Variants in ANAPC5 observed in about 807,000 individuals in gnomAD.
ANAPC5 encodes the protein anaphase-promoting complex subunit 5.
A neutral mutation model predicts 91.3 loss-of-function variants in ANAPC5; 60 were observed. That is an observed-to-expected ratio of 0.66 (90% CI 0.53 to 0.81). The LOEUF is 0.81. Ranked by LOEUF, ANAPC5 falls within the 40% of genes least tolerant of loss-of-function variation. The pLI is 0.00. For synonymous variants in ANAPC5, 340 were observed against 364.1 expected (o/e 0.93, Z 0.75); for missense variants, 690 against 931.5 (o/e 0.74, Z 3.37).
At chr12:121,317,780 G>C (rs1175526770) in intron 15 of ANAPC5, 1 of 152,256 alleles carries the variant, frequency 6.6e-6, no homozygotes, top group Admixed American at 6.5e-5. Context: ...CTCATTCATT[G>C]ATTAATATTT....
At chr12:121,309,343 C>T (rs1231074590) in intron 16 of ANAPC5, among the ~76,000 whole-genome samples, 2 of 150,842 alleles carry the variant, frequency 1.3e-5, no homozygotes, top group Non-Finnish European at 2.9e-5. Flanking sequence ...GAGGCTGAGG[C>T]AGGAGAATTG....
At chr12:121,313,463 C>T (rs1308692520) in intron 15 of ANAPC5, among the ~76,000 whole-genome samples, 4 of 152,014 alleles carry the variant, frequency 2.6e-5, no homozygotes, top group Admixed American at 2.6e-4. Flanking sequence ...ATCAATAAAA[C>T]CAAAAGTTGG....
chr12:121,335,838 G>T, intron 6 of ANAPC5, 115 bp from the exon 7 acceptor site: 3 of 820,224 alleles, frequency 3.7e-6, no homozygotes, highest in Non-Finnish European at 5.4e-6. Flanking sequence ...CTTCTAATAA[G>T]ATGGTCATAG....
In ANAPC5 at chr12:121,342,140, A is replaced by T; in HGVS notation, c.591-71T>A. 1 of 1,162,648 alleles carries T rather than the reference A, an allele frequency of 8.6e-7. No individual in the cohort carries two copies. The highest frequency in any genetic ancestry group is 1.2e-6 in the Non-Finnish European group (1 of 814,708). The allele number at this position is 1,162,648 out of a possible 1,614,324, so 72.0% of individuals were successfully genotyped here. A position where few individuals can be genotyped will look rare whatever the true frequency, so the allele number is the denominator to read the frequency against. Reference sequence around the variant, plus strand: ...TAAAAATGATAACATTTATAAAATCAGATGGATTCTTGTATCGAAAGAGTT... The same window carrying T: ...TAAAAATGATAACATTTATAAAATCTGATGGATTCTTGTATCGAAAGAGTT... On this transcript the variant is annotated intron_variant, in intron 4 of 16. Transcript: ENST00000261819. This position sits in a 1 kb window ranked among gnomAD's most constrained non-coding sequence, Gnocchi z 4.1.
At chr12:121,316,732 CAAAAAAAAAAAAAAA>C (rs35989752) in intron 15 of ANAPC5, among the ~76,000 whole-genome samples, 2 of 28,976 alleles carry the variant, frequency 6.9e-5, no homozygotes, top group Non-Finnish European at 1.4e-4. Context: ...GACTCTGTCT[CAAAAAAAAAAAAAAA>C]AAAAAAAAAA....
chr12:121,342,311 G>A lies in ANAPC5; in HGVS notation c.591-242C>T, dbSNP rs1182176110. ...GTGCCAAGACCATTTGATAGGGAAA[G>A]GACAGCCTTTCCAACCAATGATGCT... On this transcript the variant is annotated intron_variant, in intron 4 of 16. Transcript: ENST00000261819. This position sits in a 1 kb window ranked among gnomAD's most constrained non-coding sequence, Gnocchi z 4.1. Among the ~76,000 whole-genome samples the A allele has an allele frequency of 6.6e-6, 1 of 152,126 alleles. No individual in the cohort carries two copies. Among genetic ancestry groups the A allele is most frequent in the Non-Finnish European group, 1.5e-5 (1 of 68,032 alleles).
rs1555274639 is a variant in ANAPC5, at chr12:121,345,957, G to A, written c.472C>T (p.Leu158Phe). The change falls in exon 4 of 17, where the codon CTT (leucine) becomes TTT (phenylalanine). Residue 158 changes from leucine to phenylalanine, a missense_variant. Around this residue, in one of 5 missense-constraint regions of ANAPC5, gnomAD observed 238 missense variants for 264.9 expected, o/e 0.90. Transcript: ENST00000261819. ...FSQVFKLYTA[L>F]QQYFQNGEKK... ...TCACCATTCTGGAAGTACTGCTGAA[G>A]GGCAGTGTACAGTTTAAACACTTGG... 6.2e-7 allele frequency: 1 copy of A among 1,614,102 alleles called. No homozygotes were observed.
In ANAPC5 at chr12:121,335,759, G is replaced by A. The variant is rs781825869; in HGVS notation, c.760-36C>T. 9.1e-6 allele frequency: 14 copies of A among 1,544,462 alleles called. No individual in the cohort carries two copies. In the South Asian group the frequency reaches 1.5e-4, roughly 17 times the overall value. ...AAATAATCAATGTATTTTAAACGCTGTAAATATCTCTGGTGTAAGACAACT... is the reference window on the plus strand; with the variant it reads ...AAATAATCAATGTATTTTAAACGCTATAAATATCTCTGGTGTAAGACAACT... On this transcript the variant is annotated intron_variant, in intron 6 of 16. Coordinates refer to ENST00000261819, the MANE Select transcript of ANAPC5 (RefSeq NM_016237.5).
intron 5 of ANAPC5, among the ~76,000 whole-genome samples, chr12:121,338,236 TA>T (rs1350415324): frequency 1.1e-4 from 16 of 151,992 alleles, no homozygotes; most frequent in African/African-American, 2.2e-4. Flanking sequence ...ATAATTTCTT[TA>T]AAAAAAATTT....
At chr12:121,320,596 ATTTCT>A (rs1167615376) in intron 11 of ANAPC5, 137 bp from the exon 12 acceptor site, 5 of 604,104 alleles carry the variant, frequency 8.3e-6, no homozygotes, top group Non-Finnish European at 1.4e-5. Context: ...AGAGACTCAA[ATTTCT>A]TTTCTTTCTT....
In ANAPC5 at chr12:121,316,088, T is replaced by G. The variant is rs182525995; in HGVS notation, c.1893+2189A>C. ...ACAATATATAAATAATTTTTACAAG[T>G]GAACATCAAAAAGATAAACAACTTA... On this transcript the variant is annotated intron_variant, in intron 15 of 16. Transcript: ENST00000261819. Among the ~76,000 whole-genome samples, 522 of 152,184 alleles carry G rather than the reference T, an allele frequency of 3.4e-3. 4 individuals carry two copies. Among genetic ancestry groups the G allele is most frequent in the African/African-American group, 0.012 (505 of 41,512 alleles).
intron 5 of ANAPC5, among the ~76,000 whole-genome samples, chr12:121,340,622 C>T (rs913873175): frequency 5.9e-5 from 9 of 151,642 alleles, no homozygotes; most frequent in African/African-American, 1.4e-4. Flanking sequence ...CTGCAACCTC[C>T]GCTCACCGCA....
chr12:121,345,721 T>C (rs904169775), intron 4 of ANAPC5, 118 bp downstream of exon 4: 84 of 1,069,230 alleles, frequency 7.9e-5, no homozygotes, highest in Non-Finnish European at 1.1e-4. Flanking sequence ...ACTTCCCAGA[T>C]CTGGAAGGGT....
intron 4 of ANAPC5, among the ~76,000 whole-genome samples, chr12:121,343,855 T>C (rs1048760244): frequency 1.3e-5 from 2 of 152,210 alleles, no homozygotes; most frequent in Non-Finnish European, 2.9e-5. Flanking sequence ...CTCAGAGCTC[T>C]GGACAGTGTA....
intron 4 of ANAPC5, among the ~76,000 whole-genome samples, chr12:121,344,651 G>A (rs782065672): frequency 6.6e-6 from 1 of 151,966 alleles, no homozygotes; most frequent in Non-Finnish European, 1.5e-5. Context: ...AGGGAGGCCC[G>A]TCTGAGGAAA....
chr12:121,324,845 G>A lies in ANAPC5; in HGVS notation c.1440+2251C>T, dbSNP rs117512370. On this transcript the variant is annotated intron_variant, in intron 11 of 16. Transcript: ENST00000261819. The stretch of plus-strand genomic sequence containing the variant: ...TGCAGTGAGCTATGATTGTGCCACC[G>A]CACTCCATCCTGGGCAACAGTGAGA... 1.3e-3 allele frequency among the ~76,000 whole-genome samples: 191 copies of A among 152,246 alleles called. No homozygotes were observed. The East Asian group carries it at 0.013, about 10-fold the overall frequency.
rs372485822 is a variant in ANAPC5 at position 121,335,521 on chromosome 12, C to G, written c.950+12G>C. Reference sequence around the variant, plus strand: ...CTTCAATTTGCGCAAGGACAAAGGTCTATAAACTTACTAGTGACCGAAGCG... The same window carrying G: ...CTTCAATTTGCGCAAGGACAAAGGTGTATAAACTTACTAGTGACCGAAGCG... On this transcript the variant is annotated intron_variant, in intron 7 of 16. Transcript: ENST00000261819. The G allele has an allele frequency of 8.8e-6, 14 of 1,592,560 alleles. No homozygotes were observed. In the African/African-American group the frequency reaches 1.3e-4, roughly 15 times the overall value.
chr12:121,348,379 G>A (rs924115521), intron 1 of ANAPC5, among the ~76,000 whole-genome samples: 2 of 152,122 alleles, frequency 1.3e-5, no homozygotes, highest in African/African-American at 2.4e-5. Context: ...AGAGTATGAC[G>A]AGAGGCCGGG....
chr12:121,316,732 C>CAAAAAAAAAAAAAAAAA (rs35989752), intron 15 of ANAPC5, among the ~76,000 whole-genome samples: 1 of 28,976 alleles, frequency 3.5e-5, no homozygotes, highest in Non-Finnish European at 6.9e-5. Flanking sequence ...GACTCTGTCT[C>CAAAAAAAAAAAAAAAAA]AAAAAAAAAA....
Sources: allele counts gnomAD v4.1 joint callset (sites outside exome capture counted in the v4.1 genomes callset), GRCh38; gene constraint gnomAD v4.1.1; regional missense constraint gnomAD v4.1.1; non-coding constraint Gnocchi (gnomAD v3.1); transcripts MANE v1.5; gene names NCBI Gene and HGNC (gene_info 2026-07-23, HGNC 2026-07-21).